The following ANK2 variants were observed in gnomAD, a reference collection of about 807,000 sequenced individuals.
The protein encoded by ANK2 is ankyrin 2.
A neutral mutation model predicts 360.5 loss-of-function variants in ANK2; 83 were observed. That is an observed-to-expected ratio of 0.23 (90% CI 0.19 to 0.28). ANK2 has a LOEUF of 0.28. Ranked by LOEUF, ANK2 falls within the 10% of genes least tolerant of loss-of-function variation. The pLI, the probability that ANK2 is intolerant of heterozygous loss-of-function variation, is 1.00. For synonymous variants in ANK2, 1,740 were observed against 1,759.5 expected, an observed-to-expected ratio of 0.99 and a Z score of 0.28; for missense variants, 4,201 against 4,795.7, an observed-to-expected ratio of 0.88 and a Z score of 3.66.
the ANK2 span, among the ~76,000 whole-genome samples, chr4:112,775,515 T>TCTCACACACACACACACACACACACA: frequency 8.5e-6 from 1 of 118,066 alleles, no homozygotes; most frequent in Non-Finnish European, 1.8e-5. Flanking sequence ...CTAAGCTCCA[T>TCTCACACACACACACACACACACACA]CACACACACA....
intron 1 of ANK2, among the ~76,000 whole-genome samples, chr4:113,132,436 G>A (rs1047076179): frequency 6.6e-6 from 1 of 152,110 alleles, no homozygotes; most frequent in African/African-American, 2.4e-5. Flanking sequence ...TTGACTAAGG[G>A]ATAGATCCTT....
chr4:113,318,364 A>G (rs1287910170), intron 25 of ANK2, among the ~76,000 whole-genome samples, 153 bp from the exon 26 acceptor site: 2 of 152,236 alleles, frequency 1.3e-5, no homozygotes, highest in Non-Finnish European at 2.9e-5. Flanking sequence ...ATGCATTTTA[A>G]AAGATTCATT....
the ANK2 span, among the ~76,000 whole-genome samples, chr4:112,712,435 T>G: frequency 7.5e-6 from 1 of 132,792 alleles, no homozygotes; most frequent in Non-Finnish European, 1.6e-5. Flanking sequence ...TGAGATGGAG[T>G]TTCGCTCTGT....
chr4:112,972,349 C>T (rs1561352114), intron 2 of ANK2, among the ~76,000 whole-genome samples: 1 of 152,092 alleles, frequency 6.6e-6, no homozygotes, highest in East Asian at 1.9e-4. Flanking sequence ...CCCTTTGCCC[C>T]TCACCCCTCA....
intron 26 of ANK2, among the ~76,000 whole-genome samples, chr4:113,329,195 G>A (rs976733808): frequency 1.3e-5 from 2 of 152,114 alleles, no homozygotes; most frequent in Non-Finnish European, 2.9e-5. Flanking sequence ...TTTGCTCCTC[G>A]ACACAGTAAG....
chr4:113,054,837 T>C (rs1364416888), intron 1 of ANK2, among the ~76,000 whole-genome samples: 2 of 152,206 alleles, frequency 1.3e-5, no homozygotes, highest in African/African-American at 2.4e-5. Flanking sequence ...TTTCTTTCAA[T>C]GTCTTCCTCT....
the ANK2 span, among the ~76,000 whole-genome samples, chr4:112,760,730 A>G: frequency 1.3e-5 from 2 of 151,270 alleles, no homozygotes; most frequent in Admixed American, 1.3e-4. Flanking sequence ...TTTCCTGGAG[A>G]CTTAATGGGA....
rs57967546 is a variant in ANK2 at position 113,159,191 on chromosome 4, C to CCACACACACACA, written c.85-15197_85-15186dup. 2.4e-3 allele frequency among the ~76,000 whole-genome samples: 346 copies of CCACACACACACA among 142,030 alleles called. 3 individuals carry two copies. The highest frequency in any genetic ancestry group is 3.6e-3 in the Middle Eastern group (1 of 280). The allele number at this position is 142,030 out of a possible 152,430, so 93.2% of individuals were successfully genotyped here. ...CCTCTCTCTCTCTTTCTCTTTCCTT[C>CCACACACACACA]CACACACACACACACACACACACAC... On this transcript the variant is annotated intron_variant, in intron 1 of 45. Coordinates refer to ENST00000357077, the MANE Select transcript of ANK2 (RefSeq NM_001148.6).
chr4:113,035,210 G>C (rs1460849474), intron 2 of ANK2, among the ~76,000 whole-genome samples: 1 of 151,558 alleles, frequency 6.6e-6, no homozygotes, highest in South Asian at 2.1e-4. Context: ...TGGGAAGGGG[G>C]TGTTCTGGAT....
At chr4:113,001,251 A>G (rs1316882695) in intron 2 of ANK2, among the ~76,000 whole-genome samples, 1 of 150,954 alleles carries the variant, frequency 6.6e-6, no homozygotes, top group Non-Finnish European at 1.5e-5. Context: ...GAATCGCTTG[A>G]ACCTGGGAGG....
chr4:113,359,149 C>A lies in ANK2; in HGVS notation c.10531C>A (p.Leu3511Met). ...IVSDDESSSA[L>M]EVSVIENLPP... ...TTCAGACGATGAAAGTAGTAGTGCCCTGGAAGTATCAGTAATTGAAAATCT... is the reference window on the plus strand; with the variant it reads ...TTCAGACGATGAAAGTAGTAGTGCCATGGAAGTATCAGTAATTGAAAATCT... The change falls in exon 38 of 46, where the codon CTG becomes ATG. Residue 3511 changes from leucine to methionine, a missense_variant. Leu to Met is a conservative substitution (Grantham distance 15, BLOSUM62 2). This residue lies in a region of ANK2 where 2,642 missense variants were observed against 2,714.5 expected (regional missense o/e 0.97). Transcript: ENST00000357077. The A allele has an allele frequency of 6.2e-7, 1 of 1,613,630 alleles. No individual in the cohort carries two copies. The highest frequency in any genetic ancestry group is 2.2e-5 in the East Asian group (1 of 44,854).
At chr4:113,350,087 T>C in intron 36 of ANK2, 141 bp from the exon 37 acceptor site, 1 of 697,692 alleles carries the variant, frequency 1.4e-6, no homozygotes, top group Non-Finnish European at 2.4e-6. Context: ...CAGGAAAAAA[T>C]GTAGCAAATT....
intron 2 of ANK2, among the ~76,000 whole-genome samples, chr4:112,957,509 C>G (rs941789421): frequency 5.3e-5 from 8 of 152,214 alleles, no homozygotes; most frequent in South Asian, 4.1e-4. Context: ...CATCATGGCC[C>G]GTTCTCAATG....
At chr4:113,042,344 G>T (rs1053282679) in intron 2 of ANK2, among the ~76,000 whole-genome samples, 1 of 152,108 alleles carries the variant, frequency 6.6e-6, no homozygotes, top group Non-Finnish European at 1.5e-5. Context: ...AGCTTTCTTG[G>T]TTCTCCAGCT....
chr4:113,196,126 A>C (rs942515523), intron 2 of ANK2, among the ~76,000 whole-genome samples: 1 of 152,230 alleles, frequency 6.6e-6, no homozygotes, highest in Non-Finnish European at 1.5e-5. Flanking sequence ...GTTTAAAAAA[A>C]CTGTTGAAAT....
At chr4:112,734,378 T>C in the ANK2 span, among the ~76,000 whole-genome samples, 1 of 152,234 alleles carries the variant, frequency 6.6e-6, no homozygotes, top group Non-Finnish European at 1.5e-5. Flanking sequence ...GCATTTCTGC[T>C]ATTCCCTCTT....
At chr4:113,075,204 G>A (rs1488660309) in intron 1 of ANK2, among the ~76,000 whole-genome samples, 4 of 152,178 alleles carry the variant, frequency 2.6e-5, no homozygotes, top group African/African-American at 7.2e-5. Context: ...GAAGAGTAGA[G>A]AAGTACGTTT....
the ANK2 span, among the ~76,000 whole-genome samples, chr4:112,763,698 AT>A: frequency 7.0e-6 from 1 of 143,418 alleles, no homozygotes; most frequent in South Asian, 2.2e-4. Context: ...GGCCCGACTA[AT>A]TTTTTTGTAT....
At chr4:113,099,770 A>G (rs796753633) in intron 1 of ANK2, among the ~76,000 whole-genome samples, 3 of 152,220 alleles carry the variant, frequency 2.0e-5, no homozygotes, top group African/African-American at 7.2e-5. Flanking sequence ...TGGTGAAAGA[A>G]TTAACACATA....
Sources: allele counts gnomAD v4.1 joint callset (sites outside exome capture counted in the v4.1 genomes callset), GRCh38; gene constraint gnomAD v4.1.1; regional missense constraint gnomAD v4.1.1; transcripts MANE v1.5; gene names NCBI Gene and HGNC (gene_info 2026-07-23, HGNC 2026-07-21).